NECAB3: variants seen among roughly 807,000 people sequenced by gnomAD.
The protein encoded by NECAB3 is N-terminal EF-hand calcium binding protein 3, also known as N-terminal EF-hand calcium-binding protein 3.
Under a neutral mutation model 57.2 loss-of-function variants are expected in NECAB3, and 38 were observed. The observed-to-expected ratio is 0.66, with a 90% confidence interval of 0.51 to 0.87. NECAB3 has a LOEUF of 0.87. Ranked by LOEUF, NECAB3 falls within the 40% of genes least tolerant of loss-of-function variation. The probability of loss-of-function intolerance (pLI) is 0.00; values close to 1 mark genes in which losing one functional copy is unlikely to be tolerated. For synonymous variants in NECAB3, 223 were observed against 222.6 expected (o/e 1.00, Z -0.02); for missense variants, 474 against 527.5 (o/e 0.90, Z 0.99).
chr20:33,660,072 A>T lies in NECAB3; in HGVS notation c.525-69T>A. The T allele has an allele frequency of 6.5e-7, 1 of 1,529,386 alleles. No homozygotes were observed. The highest frequency in any genetic ancestry group is 8.8e-7 in the Non-Finnish European group (1 of 1,138,134). 94.7% of individuals were successfully genotyped at this position (1,529,386 alleles called of 1,614,324 possible). A position where few individuals can be genotyped will look rare whatever the true frequency, so the allele number is the denominator to read the frequency against. ...GACGGGATAAGCCTGGGTGGGGAAG[A>T]CAAGCCTCCTGGGACTCCGAGGCCT... On this transcript the variant is annotated intron_variant, in intron 6 of 11. Coordinates refer to ENST00000246190, the MANE Select transcript of NECAB3 (RefSeq NM_031232.4). This position sits in a 1 kb window ranked among gnomAD's most constrained non-coding sequence, Gnocchi z 4.1.
At chr20:33,668,047 GA>G (rs758777006) in intron 5 of NECAB3, 31 of 1,556,958 alleles carry the variant, frequency 2.0e-5, no homozygotes, top group Middle Eastern at 3.6e-4. Flanking sequence ...CAAGGAGCTG[GA>G]GGCGCAGTGC....
chr20:33,666,891 A>G (rs771826225), intron 5 of NECAB3: 1 of 152,612 alleles, frequency 6.6e-6, no homozygotes, highest in Non-Finnish European at 1.5e-5. Context: ...GGGCTTTCAG[A>G]CCAGAGGGCG....
Position 33,668,026 on chromosome 20 carries a change from G to C in NECAB3, c.387+1349C>G, listed in dbSNP as rs771543260. Reference sequence around the variant, plus strand: ...CTCCACACTGTTTCCTGGCTTCGCCGAGCGCCTGGACAAGGAGCTGGAGGC... The same window carrying C: ...CTCCACACTGTTTCCTGGCTTCGCCCAGCGCCTGGACAAGGAGCTGGAGGC... On this transcript the variant is annotated intron_variant, in intron 5 of 11. Transcript: ENST00000246190. 2.1e-5 allele frequency: 32 copies of C among 1,543,834 alleles called. No individual in the cohort carries two copies. The South Asian group carries it at 3.1e-4, about 15-fold the overall frequency.
intron 5 of NECAB3, chr20:33,663,522 C>G (rs568762996): frequency 6.2e-7 from 1 of 1,607,132 alleles, no homozygotes; most frequent in Non-Finnish European, 8.5e-7. Flanking sequence ...CGCCCCTGTT[C>G]CACCCCCAGA....
At chr20:33,667,835 G>A (rs747052179) in intron 5 of NECAB3, 2 of 1,611,146 alleles carry the variant, frequency 1.2e-6, no homozygotes, top group Non-Finnish European at 1.7e-6. Context: ...AACGGGTGCT[G>A]CGTCTGCCTC....
intron 5 of NECAB3, chr20:33,666,898 G>A (rs1157385676): frequency 1.3e-5 from 2 of 152,660 alleles, no homozygotes; most frequent in Non-Finnish European, 2.9e-5. Context: ...CAGACCAGAG[G>A]GCGGAGCCAA....
At position 33,657,639 on chromosome 20, in the gene NECAB3, C is replaced by T; in HGVS notation, c.*190G>A. The T allele has an allele frequency of 1.8e-6, 1 of 555,644 alleles. No homozygotes were observed. Among genetic ancestry groups the T allele is most frequent in the Non-Finnish European group, 3.0e-6 (1 of 333,972 alleles). The allele number at this position is 555,644 out of a possible 1,614,324, so 34.4% of individuals were successfully genotyped here. On this transcript the variant is annotated 3_prime_UTR_variant, in exon 12 of 12. Transcript: ENST00000246190. ...GGCTGAAGTGACAAACAATAAAATA[C>T]AGGGATAAATAAATCAATAATAAAT...
intron 8 of NECAB3, 86 bp downstream of exon 8, chr20:33,659,411 T>TG: frequency 1.6e-6 from 2 of 1,231,530 alleles, no homozygotes; most frequent in Non-Finnish European, 2.2e-6. Flanking sequence ...TGCAGAGGGT[T>TG]GGTGGGCAAC....
upstream of NECAB3, chr20:33,674,504 C>T (rs1221236452): frequency 1.5e-5 from 11 of 734,808 alleles, no homozygotes; most frequent in African/African-American, 5.6e-5. Context: ...GCCGGGTTCC[C>T]TCGCCTCAAG....
intron 3 of NECAB3, chr20:33,670,318 C>T (rs1452352090): frequency 2.8e-5 from 6 of 217,312 alleles, no homozygotes; most frequent in Non-Finnish European, 3.7e-5. Flanking sequence ...TGCCAAGACG[C>T]GTAGATGTGG....
intron 3 of NECAB3, chr20:33,670,287 G>C (rs1228409424): frequency 5.3e-6 from 1 of 188,320 alleles, no homozygotes; most frequent in African/African-American, 2.4e-5. Flanking sequence ...GAGCAGGCAC[G>C]GGAAGGAGCG....
At chr20:33,667,866 C>G in intron 5 of NECAB3, 6 of 1,602,980 alleles carry the variant, frequency 3.7e-6, no homozygotes, top group Non-Finnish European at 5.1e-6. Flanking sequence ...GCTTCCGCTG[C>G]CCCGAACCCA....
chr20:33,667,359 G>A, intron 5 of NECAB3: 1 of 1,142,374 alleles, frequency 8.8e-7, no homozygotes, highest in Non-Finnish European at 1.1e-6. Flanking sequence ...GGCTGTGGGA[G>A]CGCCTGCTGG....
chr20:33,666,545 G>A (rs971823917), intron 5 of NECAB3: 2 of 152,294 alleles, frequency 1.3e-5, no homozygotes, highest in African/African-American at 4.8e-5. Context: ...AGGCTGCCTG[G>A]GTCCTCAAGG....
chr20:33,669,625 T>C, intron 4 of NECAB3, 62 bp downstream of exon 4: 1 of 1,552,264 alleles, frequency 6.4e-7, no homozygotes, highest in Non-Finnish European at 8.7e-7. Flanking sequence ...AACAGTCCCT[T>C]GCCACACGTA....
intron 1 of NECAB3, among the ~76,000 whole-genome samples, chr20:33,672,805 A>AT (rs1291955792): frequency 6.6e-6 from 1 of 152,144 alleles, no homozygotes; most frequent in Non-Finnish European, 1.5e-5. Context: ...TGGCCCAGGA[A>AT]TCTTGCACAG....
intron 5 of NECAB3, chr20:33,667,203 G>A (rs1849059033): frequency 6.3e-6 from 2 of 316,972 alleles, no homozygotes; most frequent in Middle Eastern, 8.6e-4. Context: ...AGAACCAGCC[G>A]CGCATAGTGC....
chr20:33,673,796 C>T (rs1274924239), intron 1 of NECAB3, among the ~76,000 whole-genome samples: 1 of 152,152 alleles, frequency 6.6e-6, no homozygotes, highest in African/African-American at 2.4e-5. Context: ...CTGAGCAGCC[C>T]TTACCAACTG....
chr20:33,663,091 T>C lies in NECAB3; in HGVS notation c.388-2696A>G, dbSNP rs181899509. ...CCCAACACGGAGAATCAGTTCTAGT[T>C]GGTACTACTGGAGCTAGAGGCAGGG... On this transcript the variant is annotated intron_variant, in intron 5 of 11. Coordinates refer to ENST00000246190, the MANE Select transcript of NECAB3 (RefSeq NM_031232.4). 4.7e-4 allele frequency among the ~76,000 whole-genome samples: 72 copies of C among 152,196 alleles called. No individual in the cohort carries two copies. The Middle Eastern group carries it at 0.017, about 36-fold the overall frequency.
Sources: gnomAD v4.1 joint callset for allele counts (sites outside exome capture counted in the v4.1 genomes callset) on GRCh38, gnomAD v4.1.1 for gene constraint, Gnocchi (gnomAD v3.1) non-coding constraint, MANE v1.5 for transcripts, NCBI Gene and HGNC (gene_info 2026-07-23, HGNC 2026-07-21) for gene names.